BNC2: variants seen among roughly 807,000 people sequenced by gnomAD.
The protein encoded by BNC2 is basonuclin zinc finger protein 2.
Under a neutral mutation model 76.3 loss-of-function variants are expected in BNC2, and 20 were observed. The ratio of observed to expected loss-of-function variants is 0.26; its 90% CI spans 0.18 to 0.38. The LOEUF is 0.38. BNC2 is among the 10% of genes least tolerant of loss of function. The pLI, the probability that BNC2 is intolerant of heterozygous loss-of-function variation, is 1.00. For missense variants in BNC2, 1,382 were observed against 1,399.8 expected, an observed-to-expected ratio of 0.99 and a Z score of 0.20; for synonymous variants, 582 against 514.8, an observed-to-expected ratio of 1.13 and a Z score of -1.77.
intron 3 of BNC2, among the ~76,000 whole-genome samples, chr9:16,713,854 C>G (rs912379048): frequency 2.6e-5 from 4 of 152,130 alleles, no homozygotes; most frequent in Admixed American, 2.6e-4. Context: ...GTGGGCAGAT[C>G]GCTTGAGCTC....
chr9:16,866,891 T>A (rs1819558015), intron 1 of BNC2, among the ~76,000 whole-genome samples: 1 of 152,092 alleles, frequency 6.6e-6, no homozygotes, highest in Admixed American at 6.6e-5. Flanking sequence ...GGAGGCTACC[T>A]CCCCTTCCAC....
chr9:16,802,266 C>T (rs936066755), intron 1 of BNC2, among the ~76,000 whole-genome samples: 2 of 152,172 alleles, frequency 1.3e-5, no homozygotes, highest in Non-Finnish European at 2.9e-5. Flanking sequence ...CATTAGAGGG[C>T]TCCTTAGTAA....
At chr9:16,572,329 G>A (rs556577672) in intron 4 of BNC2, among the ~76,000 whole-genome samples, 1 of 152,156 alleles carries the variant, frequency 6.6e-6, no homozygotes, top group South Asian at 2.1e-4. Flanking sequence ...AATAGAATGA[G>A]AACTGGAAAA....
chr9:16,639,567 CAAT>C (rs1233086080), intron 3 of BNC2, among the ~76,000 whole-genome samples: 2 of 151,488 alleles, frequency 1.3e-5, no homozygotes, highest in African/African-American at 2.4e-5. Context: ...TTATTAACAA[CAAT>C]AACAACAAAA....
At chr9:16,444,672 G>T (rs981867595) in intron 5 of BNC2, among the ~76,000 whole-genome samples, 3 of 152,180 alleles carry the variant, frequency 2.0e-5, no homozygotes, top group Non-Finnish European at 4.4e-5. Flanking sequence ...GTGGCTCTGA[G>T]TGCTGAAAGC....
At chr9:16,719,232 G>C (rs1824077727) in intron 3 of BNC2, among the ~76,000 whole-genome samples, 1 of 152,136 alleles carries the variant, frequency 6.6e-6, no homozygotes, top group South Asian at 2.1e-4. Context: ...AGCACTGGCA[G>C]AGGGCGCAGT....
chr9:16,598,198 G>T (rs191791256), intron 3 of BNC2, among the ~76,000 whole-genome samples: 1 of 152,260 alleles, frequency 6.6e-6, no homozygotes, highest in East Asian at 1.9e-4. Flanking sequence ...CTGCTAAGAA[G>T]CTATCAATAT....
chr9:16,842,539 C>T lies in BNC2; in HGVS notation c.3+28107G>A, dbSNP rs74926273. 2.0e-4 allele frequency among the ~76,000 whole-genome samples: 30 copies of T among 152,136 alleles called. No individual in the cohort carries two copies. In the East Asian group the frequency reaches 2.1e-3, roughly 11 times the overall value. ...GAGTTTCTCTGTGGAGTGACGAAAG[C>T]GTTCTAGAACTAAATAGTGTTGATG... is the stretch of plus-strand genomic sequence containing the variant. On this transcript the variant is annotated intron_variant, in intron 1 of 6. Transcript: ENST00000380672.
At chr9:16,707,742 A>C (rs1419646756) in intron 3 of BNC2, among the ~76,000 whole-genome samples, 1 of 152,110 alleles carries the variant, frequency 6.6e-6, no homozygotes, top group Non-Finnish European at 1.5e-5. Flanking sequence ...CCCAGGTTCA[A>C]GCAATTCTCC....
chr9:16,802,892 G>A, intron 1 of BNC2, among the ~76,000 whole-genome samples: 1 of 152,190 alleles, frequency 6.6e-6, no homozygotes, highest in Admixed American at 6.5e-5. Flanking sequence ...GGGGAATAAA[G>A]ACACGCAACT....
chr9:16,637,775 G>C (rs1587261692), intron 3 of BNC2, among the ~76,000 whole-genome samples: 1 of 151,864 alleles, frequency 6.6e-6, no homozygotes, highest in African/African-American at 2.4e-5. Flanking sequence ...AGATACAAAT[G>C]AAACTAGATT....
At chr9:16,585,700 C>T (rs73419472) in intron 3 of BNC2, among the ~76,000 whole-genome samples, 7,360 of 152,198 alleles carry the variant, frequency 0.048, 634 homozygotes, top group African/African-American at 0.17. Flanking sequence ...CTCACCCACA[C>T]GCAAATAACA....
At position 16,411,303 on chromosome 9, in the gene BNC2, T is replaced by G. The variant is rs560430611; in HGVS notation, c.*7686A>C. On this transcript the variant is annotated 3_prime_UTR_variant, in exon 7 of 7. Transcript: ENST00000380672. The stretch of plus-strand genomic sequence containing the variant: ...GCCCTATAAAATCTTGGTATAGCAC[T>G]TAGATACTCTCTCTTCAAGAAATAT... 6.5e-6 allele frequency: 1 copy of G among 152,780 alleles called. No individual in the cohort carries two copies. Among genetic ancestry groups the G allele is most frequent in the African/African-American group, 2.4e-5 (1 of 41,570 alleles). 9.5% of individuals were successfully genotyped at this position (152,780 alleles called of 1,614,324 possible).
At chr9:16,755,393 T>G (rs1003270622) in intron 1 of BNC2, among the ~76,000 whole-genome samples, 1 of 152,102 alleles carries the variant, frequency 6.6e-6, no homozygotes, top group Non-Finnish European at 1.5e-5. Context: ...GAGTCTAGAT[T>G]ACAAGAGTAG....
At chr9:16,779,841 G>T (rs1000109661) in intron 1 of BNC2, among the ~76,000 whole-genome samples, 4 of 152,138 alleles carry the variant, frequency 2.6e-5, no homozygotes, top group African/African-American at 7.2e-5. Flanking sequence ...CAGTGTTGTG[G>T]GGGGGCCAGG....
intron 1 of BNC2, among the ~76,000 whole-genome samples, chr9:16,850,249 T>C (rs982899531): frequency 5.9e-5 from 9 of 152,158 alleles, no homozygotes; most frequent in South Asian, 4.1e-4. Flanking sequence ...ACTTAAAACA[T>C]AGAGCTGGCT....
At chr9:16,616,054 G>A (rs930985809) in intron 3 of BNC2, among the ~76,000 whole-genome samples, 2 of 152,100 alleles carry the variant, frequency 1.3e-5, no homozygotes, top group African/African-American at 4.8e-5. Flanking sequence ...GAGAAATCAA[G>A]CAACTGTGTC....
At chr9:16,859,247 T>G (rs1227227314) in intron 1 of BNC2, among the ~76,000 whole-genome samples, 2 of 152,098 alleles carry the variant, frequency 1.3e-5, no homozygotes, top group East Asian at 3.9e-4. Flanking sequence ...TTGTGCACTG[T>G]TGGCAGGAAT....
intron 3 of BNC2, among the ~76,000 whole-genome samples, chr9:16,599,818 T>G (rs1388619229): frequency 6.6e-6 from 1 of 152,190 alleles, no homozygotes; most frequent in African/African-American, 2.4e-5. Context: ...GCTTAATACT[T>G]TCATACATCT....
Sources: gnomAD v4.1 joint callset for allele counts (sites outside exome capture counted in the v4.1 genomes callset) on GRCh38, gnomAD v4.1.1 for gene constraint, MANE v1.5 for transcripts, NCBI Gene and HGNC (gene_info 2026-07-23, HGNC 2026-07-21) for gene names.